The following NLK variants were observed in gnomAD, a reference collection of about 807,000 sequenced individuals.
The protein encoded by NLK is nemo like kinase.
A neutral mutation model predicts 59.0 loss-of-function variants in NLK; 11 were observed. That is an observed-to-expected ratio of 0.19 (90% CI 0.12 to 0.31). The LOEUF (loss-of-function observed/expected upper bound fraction) is 0.31, where lower values mean the gene tolerates loss of function less well. Among genes scored for constraint, NLK ranks in the 10% least tolerant of loss-of-function variants. The pLI is 1.00. For synonymous variants in NLK, 235 were observed against 235.9 expected, an observed-to-expected ratio of 1.00 and a Z score of 0.03; for missense variants, 410 against 661.1, an observed-to-expected ratio of 0.62 and a Z score of 4.16.
At chr17:28,122,347 A>G (rs1278120501) in intron 1 of NLK, among the ~76,000 whole-genome samples, 2 of 152,148 alleles carry the variant, frequency 1.3e-5, no homozygotes, top group African/African-American at 4.8e-5. Flanking sequence ...CTGAAAGAGT[A>G]AGTGTTTATA....
intron 1 of NLK, among the ~76,000 whole-genome samples, chr17:28,065,631 A>T (rs1374903902): frequency 1.3e-5 from 2 of 152,214 alleles, no homozygotes; most frequent in Non-Finnish European, 2.9e-5. Flanking sequence ...CAGGTCTAGA[A>T]GCTGGGAGAA....
At chr17:28,090,025 G>A (rs1001292436) in intron 1 of NLK, among the ~76,000 whole-genome samples, 2 of 152,160 alleles carry the variant, frequency 1.3e-5, no homozygotes, top group Non-Finnish European at 2.9e-5. Context: ...TTGAAGAGCA[G>A]AAGTTTCTAA....
intron 1 of NLK, among the ~76,000 whole-genome samples, chr17:28,093,428 C>T (rs942707327): frequency 2.0e-5 from 3 of 152,174 alleles, no homozygotes; most frequent in African/African-American, 7.2e-5. Context: ...ATCTTAACTA[C>T]ATATTCCCCT....
intron 1 of NLK, among the ~76,000 whole-genome samples, chr17:28,119,463 C>T (rs190464706): frequency 6.6e-6 from 1 of 152,212 alleles, no homozygotes; most frequent in Admixed American, 6.5e-5. Flanking sequence ...TGGCTTTTCT[C>T]ACCATAATAG....
At chr17:28,071,625 A>G (rs538522100) in intron 1 of NLK, among the ~76,000 whole-genome samples, 1 of 152,250 alleles carries the variant, frequency 6.6e-6, no homozygotes, top group South Asian at 2.1e-4. Context: ...TCACTGTCCA[A>G]TGTCATTGAC....
chr17:28,067,629 G>T (rs2142753556), intron 1 of NLK, among the ~76,000 whole-genome samples: 1 of 151,940 alleles, frequency 6.6e-6, no homozygotes, highest in East Asian at 1.9e-4. Context: ...CTGGCATTAG[G>T]GATAGATTTG....
At chr17:28,140,419 A>T (rs551579063) in intron 3 of NLK, among the ~76,000 whole-genome samples, 1 of 152,348 alleles carries the variant, frequency 6.6e-6, no homozygotes, top group African/African-American at 2.4e-5. Context: ...TGATTAAATG[A>T]TAAATTTTGT....
At chr17:28,189,616 A>G (rs2142072705) in intron 8 of NLK, among the ~76,000 whole-genome samples, 1 of 152,340 alleles carries the variant, frequency 6.6e-6, no homozygotes, top group East Asian at 1.9e-4. Context: ...AAGGGAAGCC[A>G]AGGGCTCAGA....
chr17:28,086,402 CTA>C (rs1287865898), intron 1 of NLK, among the ~76,000 whole-genome samples: 1 of 151,788 alleles, frequency 6.6e-6, no homozygotes, highest in Non-Finnish European at 1.5e-5. Context: ...GAATGCATTG[CTA>C]CTTTGAAAAA....
At chr17:28,054,992 G>A (rs1278343128) in intron 1 of NLK, among the ~76,000 whole-genome samples, 1 of 152,022 alleles carries the variant, frequency 6.6e-6, no homozygotes, top group Non-Finnish European at 1.5e-5. Flanking sequence ...CATTATCTGT[G>A]GGTAAATTAT....
chr17:28,080,812 G>T (rs1910319317), intron 1 of NLK, among the ~76,000 whole-genome samples: 1 of 152,158 alleles, frequency 6.6e-6, no homozygotes, highest in South Asian at 2.1e-4. Flanking sequence ...GATTTATTCG[G>T]TGTAAGTTAA....
chr17:28,171,029 C>T (rs1908440467), intron 6 of NLK, among the ~76,000 whole-genome samples: 3 of 152,192 alleles, frequency 2.0e-5, no homozygotes, highest in African/African-American at 7.2e-5. Flanking sequence ...TACTAGCAGA[C>T]ATCATAAAAG....
At chr17:28,133,763 G>A (rs1906616867) in intron 3 of NLK, among the ~76,000 whole-genome samples, 1 of 152,128 alleles carries the variant, frequency 6.6e-6, no homozygotes, top group Non-Finnish European at 1.5e-5. Context: ...TTAGGCCTAT[G>A]ACTCAGAATG....
chr17:28,176,995 A>G (rs1908706196), intron 7 of NLK, among the ~76,000 whole-genome samples: 1 of 152,206 alleles, frequency 6.6e-6, no homozygotes, highest in Non-Finnish European at 1.5e-5. Context: ...TATATGTATT[A>G]TATACTGTAT....
At chr17:28,142,545 T>G (rs1194241289) in intron 3 of NLK, among the ~76,000 whole-genome samples, 1 of 152,218 alleles carries the variant, frequency 6.6e-6, no homozygotes, top group Non-Finnish European at 1.5e-5. Flanking sequence ...CACAATGCTC[T>G]CTGTGACACA....
chr17:28,173,490 T>C (rs1908554831), intron 7 of NLK, among the ~76,000 whole-genome samples: 1 of 152,138 alleles, frequency 6.6e-6, no homozygotes. Flanking sequence ...GGTTCTCTCT[T>C]TGTAATTCTA....
Position 28,043,260 on chromosome 17 carries a change from G to T in NLK, c.387G>T (p.Ser129=), listed in dbSNP as rs1385812212. 3 of 1,613,306 alleles carry T rather than the reference G, an allele frequency of 1.9e-6. No homozygotes were observed. In the Admixed American group the frequency reaches 5.0e-5, roughly 27 times the overall value. Residue 129 remains serine, a synonymous_variant, in exon 1 of 11, where the codon TCG becomes TCT. Transcript: ENST00000407008. The part of the protein sequence containing the change: ...ATVKAHHHQH[S]HHPQQQLDIE... ...TTAAGGCGCACCATCATCAGCACTC[G>T]CATCATCCACAGCAGCAGCTGGATA...
chr17:28,191,335 A>C, intron 9 of NLK, 116 bp downstream of exon 9: 2 of 720,304 alleles, frequency 2.8e-6, no homozygotes. Context: ...TGTTTATTTT[A>C]CAACCTTGCG....
intron 3 of NLK, among the ~76,000 whole-genome samples, chr17:28,144,396 C>CAAA (rs984366292): frequency 2.8e-4 from 23 of 81,546 alleles, no homozygotes; most frequent in South Asian, 2.0e-3. Flanking sequence ...CAGGTGAAGC[C>CAAA]AAAAAAAAAA....
Sources: gnomAD v4.1 joint callset for allele counts (sites outside exome capture counted in the v4.1 genomes callset) on GRCh38, gnomAD v4.1.1 for gene constraint, MANE v1.5 for transcripts, NCBI Gene and HGNC (gene_info 2026-07-23, HGNC 2026-07-21) for gene names.